CFTR: variants seen among roughly 807,000 people sequenced by gnomAD.
CFTR encodes CF transmembrane conductance regulator.
In CFTR, 181 loss-of-function variants were observed where a neutral mutation model predicts 171.6. The ratio of observed to expected loss-of-function variants is 1.05; its 90% confidence interval spans 0.93 to 1.19. CFTR has a LOEUF of 1.19. CFTR is among the 50% of genes most tolerant of loss of function. CFTR has a pLI of 0.00. For synonymous variants in CFTR, 583 were observed against 608.0 expected (o/e 0.96, Z 0.60); for missense variants, 1,968 against 1,734.7 (o/e 1.13, Z -2.39).
chr7:117,560,184 C>T (rs1033308773), intron 11 of CFTR, among the ~76,000 whole-genome samples: 1 of 152,092 alleles, frequency 6.6e-6, no homozygotes, highest in Non-Finnish European at 1.5e-5. Flanking sequence ...CTTCTAGTGA[C>T]TGCAATTCTT....
At chr7:117,586,915 A>G (rs961373703) in intron 11 of CFTR, among the ~76,000 whole-genome samples, 5 of 152,142 alleles carry the variant, frequency 3.3e-5, no homozygotes, top group Non-Finnish European at 5.9e-5. Context: ...TTAATTTGCC[A>G]ATTAATTGTG....
chr7:117,553,015 A>G (rs1745082818), intron 10 of CFTR, among the ~76,000 whole-genome samples: 1 of 152,096 alleles, frequency 6.6e-6, no homozygotes, highest in Non-Finnish European at 1.5e-5. Flanking sequence ...AGAGACCCTC[A>G]CACCTTAGAG....
rs146189457 is a variant in CFTR, at chr7:117,492,481, G to A, written c.54-11772G>A. On this transcript the variant is annotated intron_variant, in intron 1 of 26. Transcript: ENST00000003084. ...AATTAATTGATTGACCCATTAATTT[G>A]TTCAATTTCTGCTCTGTTCCAGGCA... 7.6e-4 allele frequency among the ~76,000 whole-genome samples: 116 copies of A among 151,828 alleles called. 2 individuals are homozygous for A. Among genetic ancestry groups the A allele is most frequent in the African/African-American group, 2.5e-3 (105 of 41,410 alleles).
chr7:117,543,307 AG>A (rs1562893326), intron 9 of CFTR, among the ~76,000 whole-genome samples: 2 of 152,216 alleles, frequency 1.3e-5, no homozygotes, highest in Non-Finnish European at 2.9e-5. Context: ...TTTGTAGAAA[AG>A]TTTGTGGATC....
intron 10 of CFTR, among the ~76,000 whole-genome samples, chr7:117,557,375 A>G (rs1799378193): frequency 6.6e-6 from 1 of 152,118 alleles, no homozygotes; most frequent in Non-Finnish European, 1.5e-5. Flanking sequence ...TTCTATTAAT[A>G]GATTAGAGTT....
rs397508761 is a variant in CFTR, at chr7:117,534,368, A to G, written c.579+3A>G. 79 of 1,474,442 alleles carry G rather than the reference A, an allele frequency of 5.4e-5. No individual in the cohort carries two copies. Among genetic ancestry groups the G allele is most frequent in the Non-Finnish European group, 7.2e-5 (76 of 1,053,560 alleles). 91.3% of individuals were successfully genotyped at this position (1,474,442 alleles called of 1,614,324 possible). A position where few individuals can be genotyped will look rare whatever the true frequency, so the allele number is the denominator to read the frequency against. On this transcript the variant is annotated splice_donor_region_variant and intron_variant, in intron 5 of 26. Coordinates refer to ENST00000003084, the MANE Select transcript of CFTR (RefSeq NM_000492.4). ...ACAACCTGAACAAATTTGATGAAGT[A>G]TGTACCTATTGATTTAATCTTTTAG... is the stretch of plus-strand genomic sequence containing the variant.
chr7:117,645,822 C>T (rs1013218714), intron 23 of CFTR, among the ~76,000 whole-genome samples: 1 of 151,914 alleles, frequency 6.6e-6, no homozygotes, highest in African/African-American at 2.4e-5. Flanking sequence ...ATTGTAAATA[C>T]TTGCAGGTAT....
At chr7:117,500,481 G>A (rs1798306790) in intron 1 of CFTR, among the ~76,000 whole-genome samples, 1 of 151,338 alleles carries the variant, frequency 6.6e-6, no homozygotes, top group African/African-American at 2.4e-5. Context: ...GTAGAGATGG[G>A]GTTTCTCCAT....
chr7:117,666,776 T>C, intron 26 of CFTR, 132 bp from the exon 27 acceptor site: 1 of 774,418 alleles, frequency 1.3e-6, no homozygotes, highest in Non-Finnish European at 2.3e-6. Context: ...ACATACCTGA[T>C]TGTTCAAAAT....
At chr7:117,631,232 A>C (rs774508764) in intron 22 of CFTR, among the ~76,000 whole-genome samples, 1 of 152,204 alleles carries the variant, frequency 6.6e-6, no homozygotes, top group Non-Finnish European at 1.5e-5. Flanking sequence ...TTCCTGGTAC[A>C]GAGCTAAAAC....
intron 9 of CFTR, among the ~76,000 whole-genome samples, chr7:117,542,484 T>C (rs999645639): frequency 6.6e-6 from 1 of 151,846 alleles, no homozygotes; most frequent in Non-Finnish European, 1.5e-5. Context: ...GAGGCGGAGG[T>C]TGCAGTGAGC....
intron 10 of CFTR, among the ~76,000 whole-genome samples, chr7:117,558,441 C>T (rs1799397303): frequency 6.6e-6 from 1 of 151,984 alleles, no homozygotes; most frequent in Non-Finnish European, 1.5e-5. Context: ...GTAGTCCCAG[C>T]TACTCGGGAG....
At chr7:117,579,375 A>G (rs550253811) in intron 11 of CFTR, among the ~76,000 whole-genome samples, 347 of 152,064 alleles carry the variant, frequency 2.3e-3, no homozygotes, top group Non-Finnish European at 4.1e-3. Context: ...ATTTCACCTA[A>G]GAAGAAAAAA....
chr7:117,652,914 T>G lies in CFTR; in HGVS notation c.3946T>G (p.Trp1316Gly). Reference protein sequence around the residue: ...PYEQWSDQEIWKVADEVGLRS... With the variant: ...PYEQWSDQEIGKVADEVGLRS... Reference sequence around the variant, plus strand: ...TGAACAGTGGAGTGATCAAGAAATATGGAAAGTTGCAGATGAGGTAAGGCT... The same window carrying G: ...TGAACAGTGGAGTGATCAAGAAATAGGGAAAGTTGCAGATGAGGTAAGGCT... The change falls in exon 24 of 27, where the codon TGG becomes GGG. Residue 1316 changes from tryptophan to glycine, a missense_variant. Physicochemically the swap from Trp to Gly is radical, Grantham distance 184 (BLOSUM62 -2). Transcript: ENST00000003084. 1 of 1,603,920 alleles carries G rather than the reference T, an allele frequency of 6.2e-7. No homozygotes were observed. Among genetic ancestry groups the G allele is most frequent in the Non-Finnish European group, 8.5e-7 (1 of 1,171,916 alleles).
chr7:117,506,460 G>T (rs1425182632), intron 2 of CFTR, among the ~76,000 whole-genome samples: 1 of 152,166 alleles, frequency 6.6e-6, no homozygotes, highest in South Asian at 2.1e-4. Flanking sequence ...TGGCCAGGCT[G>T]GTCTTGAACT....
chr7:117,514,408 G>A (rs1798567735), intron 3 of CFTR, among the ~76,000 whole-genome samples: 1 of 152,088 alleles, frequency 6.6e-6, no homozygotes, highest in East Asian at 1.9e-4. Context: ...AACACATGGT[G>A]TTTGATTTTC....
chr7:117,628,586 A>G (rs940592197), intron 22 of CFTR, among the ~76,000 whole-genome samples: 1 of 152,176 alleles, frequency 6.6e-6, no homozygotes, highest in African/African-American at 2.4e-5. Context: ...GCAAACACAG[A>G]TACAAAAATA....
chr7:117,547,101 A>G (rs544528421), intron 9 of CFTR, among the ~76,000 whole-genome samples: 33 of 152,240 alleles, frequency 2.2e-4, no homozygotes, highest in Non-Finnish European at 4.4e-4. Context: ...TAAGGGAATA[A>G]CAAATGCCTT....
chr7:117,602,307 A>G (rs752506325), intron 15 of CFTR, among the ~76,000 whole-genome samples: 57 of 152,362 alleles, frequency 3.7e-4, no homozygotes, highest in Admixed American at 2.2e-3. Flanking sequence ...AAGTGTTGGT[A>G]TTACAAGTGT....
Sources: allele counts gnomAD v4.1 joint callset (sites outside exome capture counted in the v4.1 genomes callset), GRCh38; gene constraint gnomAD v4.1.1; transcripts MANE v1.5; gene names NCBI Gene and HGNC (gene_info 2026-07-23, HGNC 2026-07-21).